GNAS: variants seen among roughly 807,000 people sequenced by gnomAD.
GNAS encodes protein ALEX.
In GNAS, 8 loss-of-function variants were observed where a neutral mutation model predicts 54.5. The observed-to-expected ratio is 0.15, with a 90% CI of 0.09 to 0.26. The LOEUF (loss-of-function observed/expected upper bound fraction) is 0.26. GNAS is among the 10% of genes least tolerant of loss of function. GNAS has a pLI of 1.00. For synonymous variants in GNAS, 204 were observed against 191.4 expected (o/e 1.07, Z -0.54); for missense variants, 170 against 529.8 (o/e 0.32, Z 6.67).
Position 58,909,832 on chromosome 20 carries a change from C to A in GNAS, c.839+28C>A. On this transcript the variant is annotated intron_variant, in intron 10 of 12. Coordinates refer to ENST00000371085, the MANE Select transcript of GNAS (RefSeq NM_000516.7). This position sits in a 1 kb window ranked among gnomAD's most constrained non-coding sequence, Gnocchi z 7.3. ...TTGTGGAGTGACCGCCCACCCCCTGCGCTTGCCCAGGAGGCCCTGGTCTGC... is the reference window on the plus strand; with the variant it reads ...TTGTGGAGTGACCGCCCACCCCCTGAGCTTGCCCAGGAGGCCCTGGTCTGC... The A allele has an allele frequency of 1.9e-6, 3 of 1,612,538 alleles. No individual in the cohort carries two copies. The highest frequency in any genetic ancestry group is 2.5e-6 in the Non-Finnish European group (3 of 1,179,744).
rs2086886276 is a variant in GNAS, at chr20:58,863,580, G to A, written c.43+22694G>A. The A allele has an allele frequency of 6.6e-6, 1 of 152,072 alleles. No individual in the cohort carries two copies. Among genetic ancestry groups the A allele is most frequent in the Admixed American group, 6.5e-5 (1 of 15,278 alleles). 9.4% of individuals were successfully genotyped at this position (152,072 alleles called of 1,614,324 possible). A position where few individuals can be genotyped will look rare whatever the true frequency, so the allele number is the denominator to read the frequency against. ...TAACTTCCTTTAATGAGTTGATAAT[G>A]GGAAGGAAAAAAATCTCTGTACTAC... On this transcript the variant is annotated intron_variant, in intron 1 of 12. Transcript: ENST00000306090. This position sits in a 1 kb window ranked among gnomAD's most constrained non-coding sequence, Gnocchi z 4.1.
chr20:58,902,157 G>A (rs548118920), intron 3 of GNAS, among the ~76,000 whole-genome samples: 70 of 152,130 alleles, frequency 4.6e-4, no homozygotes, highest in South Asian at 4.4e-3. Flanking sequence ...CTGTCAGAGA[G>A]GCAGGACCGT....
At chr20:58,849,941 A>G (rs2086090481) in intron 1 of GNAS, among the ~76,000 whole-genome samples, 1 of 152,218 alleles carries the variant, frequency 6.6e-6, no homozygotes, top group South Asian at 2.1e-4. Context: ...TCCTGCCAAA[A>G]TAGCCTCAAA....
chr20:58,895,876 C>T (rs1401351210), intron 2 of GNAS, among the ~76,000 whole-genome samples, 192 bp downstream of exon 2: 2 of 152,046 alleles, frequency 1.3e-5, no homozygotes, highest in African/African-American at 4.8e-5. Flanking sequence ...ATCTTTGGTG[C>T]AACAAATACT....
At chr20:58,860,339 G>T (rs532857278) in intron 1 of GNAS, among the ~76,000 whole-genome samples, 99 of 149,738 alleles carry the variant, frequency 6.6e-4, no homozygotes, top group African/African-American at 2.0e-3. Context: ...AAGTTTTTTG[G>T]TTTTTTTGTT....
At chr20:58,866,084 G>C (rs146167664) in intron 1 of GNAS, among the ~76,000 whole-genome samples, 1 of 152,246 alleles carries the variant, frequency 6.6e-6, no homozygotes, top group African/African-American at 2.4e-5. Context: ...CTCTAGGGTG[G>C]CAGGAGCCCC....
intron 1 of GNAS, among the ~76,000 whole-genome samples, chr20:58,868,213 T>C (rs560933256): frequency 1.2e-3 from 177 of 152,170 alleles, no homozygotes; most frequent in African/African-American, 3.9e-3. Context: ...AGTGATGGGG[T>C]TCTCCATGTT....
At chr20:58,879,337 G>A (rs945431386) in intron 1 of GNAS, among the ~76,000 whole-genome samples, 4 of 152,074 alleles carry the variant, frequency 2.6e-5, no homozygotes, top group Non-Finnish European at 4.4e-5. Context: ...GGTCAATATC[G>A]AGTCATTTAG....
At chr20:58,854,909 G>A (rs752916577) in intron 1 of GNAS, 1 of 1,597,340 alleles carries the variant, frequency 6.3e-7, no homozygotes, top group Non-Finnish European at 8.5e-7. Context: ...CTACTCGCGC[G>A]TCTGCCTGGC....
At position 58,841,540 on chromosome 20, in the gene GNAS, C is replaced by T. The variant is rs1027921899; in HGVS notation, c.43+654C>T. The T allele has an allele frequency of 1.8e-5, 18 of 995,780 alleles. 1 individual carries two copies. The East Asian group carries it at 4.3e-4, about 24-fold the overall frequency. 61.7% of individuals were successfully genotyped at this position (995,780 alleles called of 1,614,324 possible). ...CGCCAGTGCCTCCAGCTGCCGTGCG[C>T]CAGCCTTGGCCGCCACAGCCCGCCT... On this transcript the variant is annotated intron_variant, in intron 1 of 12. Coordinates refer to the GNAS transcript ENST00000306090. The surrounding 1 kb of genome is among the most constrained non-coding windows in gnomAD (Gnocchi z 5.0).
intron 1 of GNAS, among the ~76,000 whole-genome samples, chr20:58,871,948 G>A (rs1387755087): frequency 6.6e-6 from 1 of 152,126 alleles, no homozygotes; most frequent in Non-Finnish European, 1.5e-5. Flanking sequence ...GCACAGCTGA[G>A]GGGCCAGGCT....
chr20:58,852,887 C>A, intron 1 of GNAS: 1 of 419,154 alleles, frequency 2.4e-6, no homozygotes, highest in Non-Finnish European at 3.5e-6. Context: ...AGAGAGAGAG[C>A]GCTACTGGCG....
chr20:58,844,754 C>G (rs1014389203), intron 1 of GNAS, among the ~76,000 whole-genome samples: 1 of 151,656 alleles, frequency 6.6e-6, no homozygotes, highest in South Asian at 2.1e-4. Context: ...CTAGGTATCG[C>G]GCCATTGCAC....
At chr20:58,882,226 G>T (rs1006489742) in intron 1 of GNAS, among the ~76,000 whole-genome samples, 1 of 152,138 alleles carries the variant, frequency 6.6e-6, no homozygotes, top group South Asian at 2.1e-4. Context: ...CCGCCACTGC[G>T]CCCGGCTAAT....
intron 1 of GNAS, among the ~76,000 whole-genome samples, chr20:58,862,330 A>G (rs1159562286): frequency 6.6e-6 from 1 of 150,548 alleles, no homozygotes; most frequent in African/African-American, 2.4e-5. Flanking sequence ...GCTAACTTTT[A>G]TATTTTTTAG....
rs765200985 is a variant in GNAS, at chr20:58,909,180, C to T, written c.549C>T (p.Asp183=). The change falls in exon 7 of 13, where the codon GAC becomes GAT. Residue 183 remains aspartate (D), a synonymous_variant. Transcript: ENST00000371085. This position sits in a 1 kb window ranked among gnomAD's most constrained non-coding sequence, Gnocchi z 7.3. ...DCAQYFLDKI[D]VIKQADYVPS... is the part of the protein sequence containing the mutation. Reference sequence around the variant, plus strand: ...CTCCCAGCTTCCTGGACAAGATCGACGTGATCAAGCAGGCTGACTATGTGC... The same window carrying T: ...CTCCCAGCTTCCTGGACAAGATCGATGTGATCAAGCAGGCTGACTATGTGC... The T allele has an allele frequency of 7.4e-6, 12 of 1,613,922 alleles. No individual in the cohort carries two copies. The African/African-American group carries it at 1.1e-4, about 14-fold the overall frequency.
In GNAS at chr20:58,909,639, T is replaced by C. The variant is rs2146282648; in HGVS notation, c.719-45T>C. 1 of 1,614,144 alleles carries C rather than the reference T, an allele frequency of 6.2e-7. No homozygotes were observed. The highest frequency in any genetic ancestry group is 8.5e-7 in the Non-Finnish European group (1 of 1,179,992). ...CGCTTTGCTTCTGTGTTGTTAGGGA[T>C]CAGGGTCGCTGCTCACGCTCTTGGC... On this transcript the variant is annotated intron_variant, in intron 9 of 12. Transcript: ENST00000371085. This position sits in a 1 kb window ranked among gnomAD's most constrained non-coding sequence, Gnocchi z 7.3.
intron 2 of GNAS, chr20:58,898,399 T>G (rs917820367): frequency 2.6e-5 from 4 of 155,586 alleles, no homozygotes; most frequent in Non-Finnish European, 5.7e-5. Context: ...AATGACAATT[T>G]ATGGGGAACA....
intron 1 of GNAS, among the ~76,000 whole-genome samples, chr20:58,858,829 T>A (rs976506377): frequency 2.6e-5 from 4 of 152,192 alleles, no homozygotes; most frequent in African/African-American, 9.7e-5. Flanking sequence ...GCCATTTTTT[T>A]ATATTCTAAA....
Sources: allele counts gnomAD v4.1 joint callset (sites outside exome capture counted in the v4.1 genomes callset), GRCh38; gene constraint gnomAD v4.1.1; non-coding constraint Gnocchi (gnomAD v3.1); transcripts MANE v1.5; gene names NCBI Gene and HGNC (gene_info 2026-07-23, HGNC 2026-07-21).